MGST2: variants seen among roughly 807,000 people sequenced by gnomAD.
MGST2 encodes the protein microsomal glutathione S-transferase 2.
A neutral mutation model predicts 16.6 loss-of-function variants in MGST2; 9 were observed. The ratio of observed to expected loss-of-function variants is 0.54; its 90% CI spans 0.33 to 0.95. The LOEUF (loss-of-function observed/expected upper bound fraction) is 0.95, where lower values mean the gene tolerates loss of function less well. MGST2 is among the 40% of genes least tolerant of loss of function. The pLI is 0.03. For synonymous variants in MGST2, 79 were observed against 68.0 expected (o/e 1.16, Z -0.79); for missense variants, 159 against 175.1 (o/e 0.91, Z 0.52).
At chr4:139,726,949 T>A (rs1250651682) in intron 5 of MGST2, among the ~76,000 whole-genome samples, 1 of 152,234 alleles carries the variant, frequency 6.6e-6, no homozygotes, top group Non-Finnish European at 1.5e-5. Flanking sequence ...CTTGGGGATG[T>A]TGTTTAACCT....
At chr4:139,750,963 C>CTA in the MGST2 span, among the ~76,000 whole-genome samples, 17 of 152,302 alleles carry the variant, frequency 1.1e-4, no homozygotes, top group East Asian at 3.1e-3. Flanking sequence ...ATGTCTACTC[C>CTA]TATTTGGAAC....
intron 5 of MGST2, among the ~76,000 whole-genome samples, chr4:139,712,661 C>G (rs1015917333): frequency 6.6e-6 from 1 of 152,072 alleles, no homozygotes; most frequent in Admixed American, 6.6e-5. Context: ...TTTTGAGGTC[C>G]CAAGATAACT....
chr4:139,704,003 G>A lies in MGST2; in HGVS notation c.312-13G>A. 6.2e-7 allele frequency: 1 copy of A among 1,613,990 alleles called. No homozygotes were observed. Among genetic ancestry groups the A allele is most frequent in the African/African-American group, 1.3e-5 (1 of 75,008 alleles). Reference sequence around the variant, plus strand: ...CCAGTTTGTCACTTTTCTCCCTCATGTCCACTCTGCAGGATCACCGGTTTC... The same window carrying A: ...CCAGTTTGTCACTTTTCTCCCTCATATCCACTCTGCAGGATCACCGGTTTC... On this transcript the variant is annotated splice_polypyrimidine_tract_variant and intron_variant, in intron 4 of 4. Transcript: ENST00000265498.
Position 139,671,821 on chromosome 4 carries a change from T to C in MGST2, c.58+5744T>C, listed in dbSNP as rs564440761. Among the ~76,000 whole-genome samples the C allele has an allele frequency of 2.9e-4, 44 of 152,238 alleles. 1 individual carries two copies. In the East Asian group the frequency reaches 6.2e-3, roughly 21 times the overall value. On this transcript the variant is annotated intron_variant, in intron 1 of 4. Transcript: ENST00000265498. ...TGCACCTGGCTAATTTTTGTATTTTTAGTAGAGATGGGGTTTCACCGTGTG... is the reference window on the plus strand; with the variant it reads ...TGCACCTGGCTAATTTTTGTATTTTCAGTAGAGATGGGGTTTCACCGTGTG...
intron 3 of MGST2, among the ~76,000 whole-genome samples, chr4:139,695,552 G>T (rs577708695): frequency 1.3e-5 from 2 of 152,138 alleles, no homozygotes; most frequent in Non-Finnish European, 2.9e-5. Flanking sequence ...AACCCAGGAG[G>T]TGGAGGCTGC....
downstream of MGST2, among the ~76,000 whole-genome samples, chr4:139,745,510 C>G (rs1004590110): frequency 6.6e-6 from 1 of 152,074 alleles, no homozygotes; most frequent in African/African-American, 2.4e-5. Flanking sequence ...TGAAAAAAGC[C>G]AAATGCACCT....
chr4:139,720,508 GAA>G (rs1728191971), intron 5 of MGST2, among the ~76,000 whole-genome samples: 1 of 152,228 alleles, frequency 6.6e-6, no homozygotes, highest in Non-Finnish European at 1.5e-5. Context: ...TGAAAATTTT[GAA>G]AGTGTTAAAA....
chr4:139,689,038 C>T (rs192342571), intron 2 of MGST2, among the ~76,000 whole-genome samples: 24 of 135,054 alleles, frequency 1.8e-4, no homozygotes, highest in Non-Finnish European at 3.1e-4. Flanking sequence ...ACCCAGGAGG[C>T]GGAGGTTGCA....
At chr4:139,699,996 C>A (rs750438432) in intron 3 of MGST2, among the ~76,000 whole-genome samples, 98 of 152,086 alleles carry the variant, frequency 6.4e-4, no homozygotes, top group Non-Finnish European at 8.4e-4. Context: ...AGTGCCACTG[C>A]ACTCCAGCAT....
the MGST2 span, among the ~76,000 whole-genome samples, chr4:139,747,996 G>A: frequency 2.1e-5 from 3 of 144,632 alleles, no homozygotes; most frequent in African/African-American, 7.7e-5. Context: ...GGAGGTTGCA[G>A]TGAGCCAAGA....
rs569060254 is a variant in MGST2, at chr4:139,674,468, GT to G, written c.59-4061del. Among the ~76,000 whole-genome samples the G allele has an allele frequency of 1.1e-3, 152 of 144,446 alleles. 1 individual carries two copies. The Middle Eastern group carries it at 0.011, about 10-fold the overall frequency. The allele number at this position is 144,446 out of a possible 152,430, so 94.8% of individuals were successfully genotyped here. On this transcript the variant is annotated intron_variant, in intron 1 of 4. Transcript: ENST00000265498. ...GGGTAAATTGTGAGGGAGCTATGTA[GT>G]TTTTTTTTTTTTTCTTTTTTTATCT...
the MGST2 span, among the ~76,000 whole-genome samples, chr4:139,746,114 A>G: frequency 6.6e-6 from 1 of 152,254 alleles, no homozygotes; most frequent in Non-Finnish European, 1.5e-5. Flanking sequence ...TTTCCTAAGC[A>G]TAAGCTCTCA....
chr4:139,686,004 C>T (rs1484747163), intron 2 of MGST2, among the ~76,000 whole-genome samples: 1 of 152,202 alleles, frequency 6.6e-6, no homozygotes, highest in Admixed American at 6.5e-5. Flanking sequence ...TGATCATAGC[C>T]CATGCCACAG....
downstream of MGST2, among the ~76,000 whole-genome samples, chr4:139,706,476 C>T (rs114787813): frequency 1.0e-3 from 155 of 152,244 alleles, no homozygotes; most frequent in African/African-American, 3.4e-3. Flanking sequence ...CAGTTATGAT[C>T]GTGACTTGGA....
At chr4:139,697,969 T>C (rs559069677) in intron 3 of MGST2, among the ~76,000 whole-genome samples, 2 of 152,000 alleles carry the variant, frequency 1.3e-5, no homozygotes, top group South Asian at 4.2e-4. Flanking sequence ...CAAATGAAAA[T>C]GGAAAAACTG....
intron 2 of MGST2, among the ~76,000 whole-genome samples, chr4:139,691,079 T>G (rs1726548916): frequency 6.6e-6 from 1 of 152,150 alleles, no homozygotes; most frequent in South Asian, 2.1e-4. Flanking sequence ...AGCTTCAATA[T>G]CAAAGGAGCA....
chr4:139,665,910 T>TG lies in MGST2; in HGVS notation c.-110_-109insG. ...CATTCAGCCGCTTGAATCAGCCTTT[T>TG]CCCCCCACCCGGTCCCCAACTTTGT... On this transcript the variant is annotated 5_prime_UTR_variant, in exon 1 of 5. Coordinates refer to ENST00000265498, the MANE Select transcript of MGST2 (RefSeq NM_002413.5). 1 of 1,091,022 alleles carries TG rather than the reference T, an allele frequency of 9.2e-7. No individual in the cohort carries two copies. Among genetic ancestry groups the TG allele is most frequent in the Non-Finnish European group, 1.4e-6 (1 of 719,494 alleles). The allele number at this position is 1,091,022 out of a possible 1,614,324, so 67.6% of individuals were successfully genotyped here.
intron 2 of MGST2, among the ~76,000 whole-genome samples, chr4:139,684,201 C>T (rs893914434): frequency 1.3e-5 from 2 of 152,148 alleles, no homozygotes; most frequent in Non-Finnish European, 2.9e-5. Context: ...GCTGGGATTA[C>T]AGGTATGAAC....
chr4:139,714,404 C>G lies in MGST2; in HGVS notation c.*48+10208C>G, dbSNP rs1471193406. Among the ~76,000 whole-genome samples the G allele has an allele frequency of 2.0e-5, 3 of 152,316 alleles. No homozygotes were observed. In the East Asian group the frequency reaches 5.8e-4, roughly 29 times the overall value. On this transcript the variant is annotated intron_variant, in intron 5 of 5. Coordinates refer to the MGST2 transcript ENST00000616265. ...ATCTGACTGGGAAGAAATTCCTACC[C>G]TTTTGCCAGCATGCTAAGCTTCTGG...
Sources: allele counts gnomAD v4.1 joint callset (sites outside exome capture counted in the v4.1 genomes callset), GRCh38; gene constraint gnomAD v4.1.1; transcripts MANE v1.5; gene names NCBI Gene and HGNC (gene_info 2026-07-23, HGNC 2026-07-21).